The following SCIN variants were observed in gnomAD, a reference collection of about 807,000 sequenced individuals.
SCIN encodes adseverin.
Under a neutral mutation model 91.8 loss-of-function variants are expected in SCIN, and 91 were observed. The ratio of observed to expected loss-of-function variants is 0.99; its 90% CI spans 0.84 to 1.18. The LOEUF is 1.18. SCIN is among the 50% of genes most tolerant of loss of function. The pLI is 0.00. For synonymous variants in SCIN, 367 were observed against 312.6 expected (o/e 1.17, Z -1.84); for missense variants, 1,087 against 863.9 (o/e 1.26, Z -3.24).
intron 1 of SCIN, among the ~76,000 whole-genome samples, chr7:12,574,465 T>C (rs1444419816): frequency 1.3e-5 from 2 of 152,138 alleles, no homozygotes; most frequent in African/African-American, 2.4e-5. Context: ...AGCATCTTGA[T>C]TGTGATAGCA....
In SCIN at chr7:12,643,254, T is replaced by A. The variant is rs181189610; in HGVS notation, c.1582-884T>A. Among the ~76,000 whole-genome samples the A allele has an allele frequency of 9.8e-5, 15 of 152,286 alleles. No homozygotes were observed. In the East Asian group the frequency reaches 2.9e-3, roughly 30 times the overall value. On this transcript the variant is annotated intron_variant, in intron 11 of 15. Transcript: ENST00000297029. ...CATTTTACAGGTCTTTCTGTCTTCA[T>A]CTCCCGGCAGGCTAAGGCTTTATAA...
chr7:12,615,078 A>G (rs928083129), intron 4 of SCIN, among the ~76,000 whole-genome samples: 2 of 152,204 alleles, frequency 1.3e-5, no homozygotes, highest in Admixed American at 6.5e-5. Flanking sequence ...AGACACTGCG[A>G]TCTTAAACAT....
At chr7:12,595,313 A>G (rs59570234) in intron 3 of SCIN, among the ~76,000 whole-genome samples, 1,792 of 152,224 alleles carry the variant, frequency 0.012, 21 homozygotes, top group African/African-American at 0.031. Flanking sequence ...CAATATAGGA[A>G]TTTACAAGAG....
At chr7:12,612,133 A>G (rs148890741) in intron 4 of SCIN, among the ~76,000 whole-genome samples, 15 of 152,194 alleles carry the variant, frequency 9.9e-5, no homozygotes, top group African/African-American at 3.6e-4. Flanking sequence ...TAGCTTCCTT[A>G]TTTATCCTGC....
intron 1 of SCIN, among the ~76,000 whole-genome samples, chr7:12,573,166 T>C (rs939038732): frequency 3.3e-5 from 5 of 152,110 alleles, no homozygotes; most frequent in Non-Finnish European, 7.4e-5. Flanking sequence ...TCATCCAAAA[T>C]AGTGTAGTCT....
rs529086599 is a variant in SCIN, at chr7:12,617,158, G to C, written c.667-5643G>C. On this transcript the variant is annotated intron_variant, in intron 4 of 15. Transcript: ENST00000297029. ...TTTGCAGGGTTGTATAAGACAGAAA[G>C]AGTAATGCTTTGACCAGGGAAAGAT... is the stretch of plus-strand genomic sequence containing the variant. Among the ~76,000 whole-genome samples, 13 of 152,208 alleles carry C rather than the reference G, an allele frequency of 8.5e-5. No homozygotes were observed. In the East Asian group the frequency reaches 1.4e-3, roughly 16 times the overall value.
At chr7:12,613,286 C>T (rs898477963) in intron 4 of SCIN, among the ~76,000 whole-genome samples, 4 of 152,108 alleles carry the variant, frequency 2.6e-5, no homozygotes, top group African/African-American at 9.7e-5. Flanking sequence ...CAGCTAAACA[C>T]AGATATAAAA....
chr7:12,618,869 C>CA (rs1273676422), intron 4 of SCIN, among the ~76,000 whole-genome samples: 1 of 152,068 alleles, frequency 6.6e-6, no homozygotes, highest in African/African-American at 2.4e-5. Context: ...GAAAATAAAA[C>CA]AGAGTCATCT....
At chr7:12,591,031 TG>T (rs2115229328) in intron 3 of SCIN, among the ~76,000 whole-genome samples, 2 of 152,112 alleles carry the variant, frequency 1.3e-5, no homozygotes, top group South Asian at 4.1e-4. Flanking sequence ...TCCAGCAATC[TG>T]GGGGGTAGCT....
chr7:12,632,114 A>ATTT (rs1277881780), intron 9 of SCIN, among the ~76,000 whole-genome samples: 64 of 143,006 alleles, frequency 4.5e-4, no homozygotes, highest in African/African-American at 1.7e-3. Context: ...ATTTTATTTT[A>ATTT]TTTTATTTTA....
intron 3 of SCIN, among the ~76,000 whole-genome samples, chr7:12,582,232 G>A (rs995288005): frequency 6.6e-6 from 1 of 152,168 alleles, no homozygotes; most frequent in Non-Finnish European, 1.5e-5. Flanking sequence ...TTGTTTTATT[G>A]CATCTACTTG....
chr7:12,641,064 A>G (rs1395512712), intron 11 of SCIN, among the ~76,000 whole-genome samples: 2 of 152,196 alleles, frequency 1.3e-5, no homozygotes, highest in African/African-American at 4.8e-5. Flanking sequence ...CCAGGTTTTT[A>G]AATGGCTAAG....
chr7:12,570,936 C>CACGGCCAAG lies in SCIN; in HGVS notation c.154_162dup (p.Ala52_Thr54dup). On this transcript the variant is annotated inframe_insertion, in exon 1 of 16. Transcript: ENST00000297029. Reference sequence around the variant, plus strand: ...TCGGGGATGCCTACCTGGTGCTGCACACGGCCAAGACGAGCCGAGGCTTCA... The same window carrying CACGGCCAAG: ...TCGGGGATGCCTACCTGGTGCTGCACACGGCCAAGACGGCCAAGACGAGCCGAGGCTTCA... 6.4e-7 allele frequency: 1 copy of CACGGCCAAG among 1,551,472 alleles called. No individual in the cohort carries two copies. Among genetic ancestry groups the CACGGCCAAG allele is most frequent in the Non-Finnish European group, 8.7e-7 (1 of 1,146,950 alleles).
chr7:12,644,906 C>T (rs966687614), intron 13 of SCIN, among the ~76,000 whole-genome samples: 5 of 150,032 alleles, frequency 3.3e-5, no homozygotes, highest in South Asian at 2.2e-4. Flanking sequence ...TCAAGCTACT[C>T]GGGAGGCTTG....
At chr7:12,576,489 A>G (rs1583271361) in intron 1 of SCIN, among the ~76,000 whole-genome samples, 1 of 152,168 alleles carries the variant, frequency 6.6e-6, no homozygotes, top group African/African-American at 2.4e-5. Context: ...GCCTTCTTCA[A>G]CTTTGGTGAA....
intron 9 of SCIN, among the ~76,000 whole-genome samples, chr7:12,633,592 T>A (rs1443117199): frequency 6.6e-6 from 1 of 152,152 alleles, no homozygotes; most frequent in Admixed American, 6.5e-5. Context: ...GGTTTGCTAG[T>A]TGAAATACTC....
chr7:12,578,909 G>GTTTTTTTTTTTTTTTTTT lies in SCIN; in HGVS notation c.354+706_354+707insTTTTTTTTTTTTTTTTTT. ...TAAGGCAGCCTTCAGTATAGGACAG[G>GTTTTTTTTTTTTTTTTTT]TTTTTTTTTTTTTTTGGCATCCTCC... On this transcript the variant is annotated intron_variant, in intron 2 of 15. Coordinates refer to ENST00000297029, the MANE Select transcript of SCIN (RefSeq NM_001112706.3). Among the ~76,000 whole-genome samples, 209 of 85,830 alleles carry GTTTTTTTTTTTTTTTTTT rather than the reference G, an allele frequency of 2.4e-3. 37 individuals are homozygous for GTTTTTTTTTTTTTTTTTT. Among genetic ancestry groups the GTTTTTTTTTTTTTTTTTT allele is most frequent in the African/African-American group, 8.2e-3 (159 of 19,396 alleles). 56.3% of individuals were successfully genotyped at this position (85,830 alleles called of 152,430 possible).
chr7:12,577,568 A>C (rs1207338257), intron 1 of SCIN: 1 of 456,554 alleles, frequency 2.2e-6, no homozygotes, highest in Non-Finnish European at 4.4e-6. Context: ...AAACAAAAAC[A>C]GGCCGGGCAT....
At chr7:12,572,385 A>T (rs909336014) in intron 1 of SCIN, among the ~76,000 whole-genome samples, 23 of 152,226 alleles carry the variant, frequency 1.5e-4, no homozygotes, top group African/African-American at 2.7e-4. Context: ...AAACTTTTAT[A>T]ACCCATGTTC....
Sources: gnomAD v4.1 joint callset for allele counts (sites outside exome capture counted in the v4.1 genomes callset) on GRCh38, gnomAD v4.1.1 for gene constraint, MANE v1.5 for transcripts, NCBI Gene and HGNC (gene_info 2026-07-23, HGNC 2026-07-21) for gene names.